TBX3: variants seen among roughly 807,000 people sequenced by gnomAD.
TBX3 encodes the protein T-box transcription factor TBX3.
A neutral mutation model predicts 47.8 loss-of-function variants in TBX3; 11 were observed. That is an observed-to-expected ratio of 0.23 (90% CI 0.14 to 0.38). The LOEUF (loss-of-function observed/expected upper bound fraction) is 0.38, where lower values mean the gene tolerates loss of function less well. Ranked by LOEUF, TBX3 falls within the 10% of genes least tolerant of loss-of-function variation. The pLI, the probability that TBX3 is intolerant of heterozygous loss-of-function variation, is 1.00. For synonymous variants in TBX3, 500 were observed against 449.3 expected (o/e 1.11, Z -1.43); for missense variants, 927 against 1,022.8 (o/e 0.91, Z 1.28).
In TBX3 at chr12:114,674,492, C is replaced by T. The variant is rs1217957927; in HGVS notation, c.1383G>A (p.Pro461=). ...CGGCCGCGTCCGTCTGCACCGTGAGCGGCGCGAAGGCCTCCTTGCCCGGGA... is the reference window on the plus strand; with the variant it reads ...CGGCCGCGTCCGTCTGCACCGTGAGTGGCGCGAAGGCCTCCTTGCCCGGGA... The part of the protein sequence containing the change: ...RALPGKEAFA[P]LTVQTDAAAA... The change falls in exon 6 of 7, where the codon CCG becomes CCA. Residue 461 remains proline, a synonymous_variant. Coordinates refer to ENST00000349155, the MANE Select transcript of TBX3 (RefSeq NM_005996.4). 2 of 1,523,890 alleles carry T rather than the reference C, an allele frequency of 1.3e-6. No individual in the cohort carries two copies. The highest frequency in any genetic ancestry group is 1.3e-5 in the South Asian group (1 of 79,916). 94.4% of individuals were successfully genotyped at this position (1,523,890 alleles called of 1,614,324 possible). A position where few individuals can be genotyped will look rare whatever the true frequency, so the allele number is the denominator to read the frequency against.
chr12:114,676,568 C>T, intron 4 of TBX3, 98 bp from the exon 5 acceptor site: 4 of 1,492,448 alleles, frequency 2.7e-6, no homozygotes, highest in Non-Finnish European at 3.7e-6. Context: ...ATACCTCACA[C>T]CCTGCCTGCT....
intron 4 of TBX3, 116 bp downstream of exon 4, chr12:114,677,464 A>G (rs1194536427): frequency 3.0e-6 from 3 of 1,009,964 alleles, no homozygotes; most frequent in East Asian, 2.6e-5. Flanking sequence ...GGGAAAGTGA[A>G]TGATTTCCAC....
rs1023552130 is a variant in TBX3, at chr12:114,684,061, G to C, written c.-861C>G. The C allele has an allele frequency of 5.1e-6, 1 of 195,818 alleles. No homozygotes were observed. Among genetic ancestry groups the C allele is most frequent in the Non-Finnish European group, 9.6e-6 (1 of 104,334 alleles). The allele number at this position is 195,818 out of a possible 1,614,324, so 12.1% of individuals were successfully genotyped here. A position where few individuals can be genotyped will look rare whatever the true frequency, so the allele number is the denominator to read the frequency against. On this transcript the variant is annotated 5_prime_UTR_variant, in exon 1 of 7. Transcript: ENST00000349155. ...GGGGAAAAAATGGAACAGAGGGAAA[G>C]AGAGGGAGGGGAGAGAGAGAGAGAG...
chr12:114,675,513 T>A (rs886552484), intron 5 of TBX3, among the ~76,000 whole-genome samples: 1 of 152,240 alleles, frequency 6.6e-6, no homozygotes, highest in Non-Finnish European at 1.5e-5. Flanking sequence ...ACACCCTCTG[T>A]GGGTGTTCCA....
At chr12:114,675,647 T>A (rs1161540019) in intron 5 of TBX3, among the ~76,000 whole-genome samples, 3 of 41,788 alleles carry the variant, frequency 7.2e-5, no homozygotes, top group South Asian at 6.7e-4. Flanking sequence ...TGTGTGTGTG[T>A]GTGTGTGTGT....
intron 4 of TBX3, 32 bp from the exon 5 acceptor site, chr12:114,676,502 A>C (rs773876310): frequency 4.0e-5 from 65 of 1,613,438 alleles, no homozygotes; most frequent in Non-Finnish European, 5.2e-5. Context: ...AGGTTACAGA[A>C]TGTAACATAC....
At chr12:114,682,382 C>A (rs1290913333) in intron 1 of TBX3, among the ~76,000 whole-genome samples, 5 of 152,124 alleles carry the variant, frequency 3.3e-5, no homozygotes. Flanking sequence ...TGTCAGGCCT[C>A]CCAATACCCA....
chr12:114,677,056 T>C (rs1868744645), intron 4 of TBX3, among the ~76,000 whole-genome samples: 1 of 152,184 alleles, frequency 6.6e-6, no homozygotes, highest in Non-Finnish European at 1.5e-5. Flanking sequence ...GGGGGTGATT[T>C]TCTGGATTTT....
In TBX3 at chr12:114,683,223, C is replaced by A; in HGVS notation, c.-23G>T. 1.2e-6 allele frequency: 2 copies of A among 1,606,690 alleles called. No homozygotes were observed. The highest frequency in any genetic ancestry group is 1.7e-6 in the Non-Finnish European group (2 of 1,175,768). On this transcript the variant is annotated 5_prime_UTR_variant, in exon 1 of 7. Transcript: ENST00000349155. This position sits in a 1 kb window ranked among gnomAD's most constrained non-coding sequence, Gnocchi z 7.7. ...CATCCACTCCAGGCGGGGCGCTGGG[C>A]TCCAGCCGGGGACAAGTCCGCAGCT...
chr12:114,677,573 A>T lies in TBX3; in HGVS notation c.881+7T>A. The T allele has an allele frequency of 6.2e-7, 1 of 1,614,010 alleles. No homozygotes were observed. Among genetic ancestry groups the T allele is most frequent in the South Asian group, 1.1e-5 (1 of 91,066 alleles). ...AAACTATCTAATAAATAATTGTTTC[A>T]ACTCACCTTTTTTCTCTTCGGCCAT... On this transcript the variant is annotated splice_region_variant and intron_variant, in intron 4 of 6. Transcript: ENST00000349155.
At chr12:114,681,711 C>T (rs968005446) in intron 1 of TBX3, among the ~76,000 whole-genome samples, 3 of 152,172 alleles carry the variant, frequency 2.0e-5, no homozygotes, top group Non-Finnish European at 2.9e-5. Context: ...TTGCAGACTT[C>T]GGTGCACTCC....
chr12:114,679,729 G>T, intron 2 of TBX3, 78 bp from the exon 3 acceptor site: 4 of 1,602,848 alleles, frequency 2.5e-6, no homozygotes, highest in Non-Finnish European at 3.4e-6. Context: ...CCCCTGCCAG[G>T]CTGAAATCTT....
chr12:114,680,112 C>A (rs1868863723), intron 2 of TBX3: 2 of 837,730 alleles, frequency 2.4e-6, no homozygotes, highest in Non-Finnish European at 3.9e-6. Flanking sequence ...TTAATCAAAT[C>A]AAGGGCTTCA....
chr12:114,676,914 T>G (rs1868735188), intron 4 of TBX3, among the ~76,000 whole-genome samples: 1 of 152,208 alleles, frequency 6.6e-6, no homozygotes, highest in South Asian at 2.1e-4. Context: ...TGGCTAAGAT[T>G]GGGAGGAAGT....
Position 114,674,316 on chromosome 12 carries a change from C to T in TBX3, c.1559G>A (p.Gly520Asp), listed in dbSNP as rs774790019. 1.3e-6 allele frequency: 2 copies of T among 1,574,070 alleles called. No individual in the cohort carries two copies. Among genetic ancestry groups the T allele is most frequent in the Non-Finnish European group, 8.6e-7 (1 of 1,159,992 alleles). ...AFSSMAAAGM[G>D]PLLATVSGAS... ...CCCAGAAACCGTGGCCAGGAGGGGA[C>T]CCATGCCAGCGGCCGCCATGCTGGA... Residue 520 changes from glycine (G) to aspartate (D), a missense_variant, in exon 6 of 7, where the codon GGT becomes GAT. Physicochemically the swap from Gly to Asp is moderately conservative, Grantham distance 94 (BLOSUM62 -1). Coordinates refer to ENST00000349155, the MANE Select transcript of TBX3 (RefSeq NM_005996.4).
At chr12:114,675,315 C>T (rs550327334) in intron 5 of TBX3, among the ~76,000 whole-genome samples, 1 of 152,180 alleles carries the variant, frequency 6.6e-6, no homozygotes, top group Non-Finnish European at 1.5e-5. Context: ...TTGTGAATTA[C>T]TCTGGAAGGA....
chr12:114,674,513 C>G lies in TBX3; in HGVS notation c.1362G>C (p.Pro454=). Residue 454 remains proline, a synonymous_variant, in exon 6 of 7, where the codon CCG becomes CCC. Coordinates refer to ENST00000349155, the MANE Select transcript of TBX3 (RefSeq NM_005996.4). Reference sequence around the variant, plus strand: ...TGAGCGGCGCGAAGGCCTCCTTGCCCGGGAGCGCGCGCGCCTCTTCCACCT... The same window carrying G: ...TGAGCGGCGCGAAGGCCTCCTTGCCGGGGAGCGCGCGCGCCTCTTCCACCT... ...PAKVEEARAL[P]GKEAFAPLTV... is the part of the protein sequence containing the mutation. The G allele has an allele frequency of 6.6e-7, 1 of 1,509,740 alleles. No individual in the cohort carries two copies. Among genetic ancestry groups the G allele is most frequent in the Non-Finnish European group, 8.8e-7 (1 of 1,133,438 alleles). The allele number at this position is 1,509,740 out of a possible 1,614,324, so 93.5% of individuals were successfully genotyped here. A position where few individuals can be genotyped will look rare whatever the true frequency, so the allele number is the denominator to read the frequency against.
chr12:114,683,314 CAAAACAAAAAA>C lies in TBX3; in HGVS notation c.-125_-115del. ...ACATAATTCAAAAGGGGGGAAAAAG[CAAAACAAAAAA>C]GAAAGAAAAAAGAAAAGGAGGCAGA... On this transcript the variant is annotated 5_prime_UTR_variant, in exon 1 of 7. Coordinates refer to ENST00000349155, the MANE Select transcript of TBX3 (RefSeq NM_005996.4). This position sits in a 1 kb window ranked among gnomAD's most constrained non-coding sequence, Gnocchi z 7.7. The C allele has an allele frequency of 4.3e-6, 6 of 1,400,352 alleles. No individual in the cohort carries two copies. The highest frequency in any genetic ancestry group is 5.8e-6 in the Non-Finnish European group (6 of 1,032,534). The allele number at this position is 1,400,352 out of a possible 1,614,324, so 86.7% of individuals were successfully genotyped here.
chr12:114,683,558 C>T lies in TBX3; in HGVS notation c.-358G>A. Reference sequence around the variant, plus strand: ...GGTCTCGACTCGCGCCCGAGCCCTGCCGCTGAGCTCGAAATAGACACTCCA... The same window carrying T: ...GGTCTCGACTCGCGCCCGAGCCCTGTCGCTGAGCTCGAAATAGACACTCCA... On this transcript the variant is annotated 5_prime_UTR_variant, in exon 1 of 7. Transcript: ENST00000349155. The surrounding 1 kb of genome is among the most constrained non-coding windows in gnomAD (Gnocchi z 7.7). 1 of 317,538 alleles carries T rather than the reference C, an allele frequency of 3.1e-6. No homozygotes were observed. Among genetic ancestry groups the T allele is most frequent in the Non-Finnish European group, 5.8e-6 (1 of 171,890 alleles). 19.7% of individuals were successfully genotyped at this position (317,538 alleles called of 1,614,324 possible). A position where few individuals can be genotyped will look rare whatever the true frequency, so the allele number is the denominator to read the frequency against.
Sources: gnomAD v4.1 joint callset for allele counts (sites outside exome capture counted in the v4.1 genomes callset) on GRCh38, gnomAD v4.1.1 for gene constraint, Gnocchi (gnomAD v3.1) non-coding constraint, MANE v1.5 for transcripts, NCBI Gene and HGNC (gene_info 2026-07-23, HGNC 2026-07-21) for gene names.